The following SIPA1L3 variants were observed in gnomAD, a reference collection of about 807,000 sequenced individuals.
The protein encoded by SIPA1L3 is signal induced proliferation associated 1 like 3.
In SIPA1L3, 59 loss-of-function variants were observed where a neutral mutation model predicts 150.1. That is an observed-to-expected ratio of 0.39 (90% CI 0.32 to 0.49). The LOEUF (loss-of-function observed/expected upper bound fraction) is 0.49. SIPA1L3 is among the 20% of genes least tolerant of loss of function. SIPA1L3 has a pLI of 0.86. For missense variants in SIPA1L3, 2,211 were observed against 2,489.5 expected (o/e 0.89, Z 2.38); for synonymous variants, 1,070 against 1,077.6 (o/e 0.99, Z 0.14).
intron 16 of SIPA1L3, among the ~76,000 whole-genome samples, chr19:38,187,085 CG>C (rs1568599893): frequency 6.6e-6 from 1 of 150,442 alleles, no homozygotes; most frequent in Non-Finnish European, 1.5e-5. Context: ...AAGGCCGAGG[CG>C]GGGGAATTAC....
rs1235285862 is a variant in SIPA1L3, at chr19:38,082,408, G to C, written c.843G>C (p.Glu281Asp). ...CACTGCAGCCCACGAAGGAGAAGGA[G>C]AAGGCCCGGAAGAAACCTGCGCGGG... ...LLPLQPTKEK[E>D]KARKKPARGL... Residue 281 changes from glutamate (E) to aspartate (D), a missense_variant, in exon 3 of 22, where the codon GAG becomes GAC. Around this residue, in one of 5 missense-constraint regions of SIPA1L3, gnomAD observed 587 missense variants for 534.5 expected, o/e 1.10. Transcript: ENST00000222345. 4.4e-6 allele frequency: 7 copies of C among 1,597,212 alleles called. No individual in the cohort carries two copies. In the Admixed American group the frequency reaches 1.2e-4, roughly 27 times the overall value.
chr19:38,003,347 CA>C (rs1453982969), intron 1 of SIPA1L3, among the ~76,000 whole-genome samples: 1 of 152,142 alleles, frequency 6.6e-6, no homozygotes, highest in Non-Finnish European at 1.5e-5. Context: ...TGGGATTTTT[CA>C]AGCTGTAGTA....
intron 13 of SIPA1L3, among the ~76,000 whole-genome samples, chr19:38,159,378 C>T (rs753629906): frequency 1.3e-5 from 2 of 152,212 alleles, no homozygotes; most frequent in East Asian, 3.9e-4. Flanking sequence ...CTGAGTTGGG[C>T]GTATGCTTGG....
rs765131698 is a variant in SIPA1L3, at chr19:38,182,788, G to T, written c.4430+48G>T. 9.6e-6 allele frequency: 14 copies of T among 1,461,248 alleles called. No homozygotes were observed. The Middle Eastern group carries it at 9.6e-4, about 100-fold the overall frequency. The allele number at this position is 1,461,248 out of a possible 1,614,324, so 90.5% of individuals were successfully genotyped here. A position where few individuals can be genotyped will look rare whatever the true frequency, so the allele number is the denominator to read the frequency against. On this transcript the variant is annotated intron_variant, in intron 16 of 21. Transcript: ENST00000222345. ...AGGCGCCCGCCAGATCCACACCAGG[G>T]CGTCTCCGGGGCGGAAAGAGGGTGA...
chr19:37,995,663 G>T (rs1164665265), intron 1 of SIPA1L3, among the ~76,000 whole-genome samples: 1 of 152,200 alleles, frequency 6.6e-6, no homozygotes, highest in African/African-American at 2.4e-5. Context: ...TGGGGCCTGG[G>T]CAGAGGGCAC....
At chr19:38,086,486 G>A (rs966197145) in intron 3 of SIPA1L3, among the ~76,000 whole-genome samples, 13 of 151,884 alleles carry the variant, frequency 8.6e-5, no homozygotes, top group Admixed American at 7.9e-4. Flanking sequence ...CCAGGAGTTA[G>A]AGACCAGCCT....
chr19:38,100,169 G>A lies in SIPA1L3; in HGVS notation c.1854+19G>A, dbSNP rs747173203. On this transcript the variant is annotated intron_variant, in intron 5 of 21. Coordinates refer to ENST00000222345, the MANE Select transcript of SIPA1L3 (RefSeq NM_015073.3). Reference sequence around the variant, plus strand: ...GCAAGGGGTGAGTCAGGGGCTGGAGGTGGGGGTGCTGCTGGGGCAGTACCT... The same window carrying A: ...GCAAGGGGTGAGTCAGGGGCTGGAGATGGGGGTGCTGCTGGGGCAGTACCT... 6.6e-7 allele frequency: 1 copy of A among 1,526,280 alleles called. No homozygotes were observed. The highest frequency in any genetic ancestry group is 1.7e-4 in the Middle Eastern group (1 of 5,718). The allele number at this position is 1,526,280 out of a possible 1,614,324, so 94.5% of individuals were successfully genotyped here. A position where few individuals can be genotyped will look rare whatever the true frequency, so the allele number is the denominator to read the frequency against.
At chr19:38,196,491 A>AGGGAGGAGCATGGAGGTCAAG in intron 18 of SIPA1L3, among the ~76,000 whole-genome samples, 1 of 106,734 alleles carries the variant, frequency 9.4e-6, no homozygotes, top group East Asian at 3.6e-4. Context: ...GTGGATGTCA[A>AGGGAGGAGCATGGAGGTCAAG]GGCGGAGCAA....
rs1055091748 is a variant in SIPA1L3, at chr19:37,922,013, T to C, written c.-379+14655T>C. 2.6e-5 allele frequency among the ~76,000 whole-genome samples: 4 copies of C among 152,168 alleles called. No individual in the cohort carries two copies. The South Asian group carries it at 6.2e-4, about 24-fold the overall frequency. On this transcript the variant is annotated intron_variant, in intron 1 of 21. Transcript: ENST00000222345. ...CTGTCTTCAGTATAGGTGGCTTGATTTGTGTGTATTTCCCAGTGTGGACTG... is the reference window on the plus strand; with the variant it reads ...CTGTCTTCAGTATAGGTGGCTTGATCTGTGTGTATTTCCCAGTGTGGACTG...
At chr19:38,198,586 A>T in intron 19 of SIPA1L3, 54 bp downstream of exon 19, 3 of 1,387,244 alleles carry the variant, frequency 2.2e-6, no homozygotes, top group Non-Finnish European at 2.8e-6. Context: ...TCTGTTCTAG[A>T]GGGATTCATG....
At chr19:38,014,386 C>G (rs190325049) in intron 1 of SIPA1L3, among the ~76,000 whole-genome samples, 86 of 152,178 alleles carry the variant, frequency 5.7e-4, no homozygotes, top group African/African-American at 2.0e-3. Flanking sequence ...GAGACCAGCA[C>G]AGAGGAATTA....
chr19:37,991,054 G>A (rs1967494654), intron 1 of SIPA1L3, among the ~76,000 whole-genome samples: 1 of 152,064 alleles, frequency 6.6e-6, no homozygotes, highest in South Asian at 2.1e-4. Context: ...CCAAGATGGT[G>A]AAAACCTGCC....
intron 19 of SIPA1L3, 97 bp downstream of exon 19, chr19:38,198,629 C>T (rs1973019626): frequency 1.7e-6 from 2 of 1,204,842 alleles, no homozygotes; most frequent in Non-Finnish European, 2.1e-6. Context: ...GATACCCACT[C>T]AGGTTCCAGA....
At chr19:37,998,979 TCACACACACACACACACACACA>T (rs35998048) in intron 1 of SIPA1L3, among the ~76,000 whole-genome samples, 34 of 146,014 alleles carry the variant, frequency 2.3e-4, no homozygotes, top group African/African-American at 7.1e-4. Context: ...GCCCTATCTA[TCACACACACACACACACACACA>T]CACACACACA....
At chr19:38,171,235 T>C (rs1280551665) in intron 15 of SIPA1L3, among the ~76,000 whole-genome samples, 1 of 152,078 alleles carries the variant, frequency 6.6e-6, no homozygotes, top group Non-Finnish European at 1.5e-5. Context: ...ACACAGGCCC[T>C]TGGGCTCAAG....
intron 2 of SIPA1L3, among the ~76,000 whole-genome samples, chr19:38,066,795 C>CATCG (rs1969602513): frequency 6.6e-6 from 1 of 152,068 alleles, no homozygotes; most frequent in Admixed American, 6.5e-5. Flanking sequence ...CACTGCACTC[C>CATCG]AGCCTGGGCG....
chr19:38,024,366 C>T (rs10404447), intron 1 of SIPA1L3, among the ~76,000 whole-genome samples: 2,207 of 152,264 alleles, frequency 0.014, 51 homozygotes, highest in African/African-American at 0.05. Flanking sequence ...ACAGACACTT[C>T]CTTGTAGGCC....
At chr19:38,067,714 A>T (rs1391817121) in intron 2 of SIPA1L3, among the ~76,000 whole-genome samples, 1 of 151,746 alleles carries the variant, frequency 6.6e-6, no homozygotes, top group African/African-American at 2.4e-5. Context: ...GTGAGCCGAG[A>T]TCATGCCACT....
At chr19:38,160,103 C>T (rs1186896398) in intron 13 of SIPA1L3, among the ~76,000 whole-genome samples, 1 of 152,030 alleles carries the variant, frequency 6.6e-6, no homozygotes, top group Non-Finnish European at 1.5e-5. Context: ...CCTCCACCTC[C>T]CAGGTTCAAG....
Sources: gnomAD v4.1 joint callset for allele counts (sites outside exome capture counted in the v4.1 genomes callset) on GRCh38, gnomAD v4.1.1 for gene constraint, gnomAD v4.1.1 regional missense constraint, MANE v1.5 for transcripts, NCBI Gene and HGNC (gene_info 2026-07-23, HGNC 2026-07-21) for gene names.